The following MTA3 variants were observed in gnomAD, a reference collection of about 807,000 sequenced individuals.
MTA3 encodes the protein metastasis associated 1 family member 3.
MTA3 carries 34 observed loss-of-function variants against 83.5 expected under a neutral mutation model. That is an observed-to-expected ratio of 0.41 (90% confidence interval 0.31 to 0.54). The LOEUF (loss-of-function observed/expected upper bound fraction) is 0.54. Ranked by LOEUF, MTA3 falls within the 20% of genes least tolerant of loss-of-function variation. The pLI is 0.33. For synonymous variants in MTA3, 303 were observed against 252.7 expected (o/e 1.20, Z -1.89); for missense variants, 761 against 726.4 (o/e 1.05, Z -0.55).
chr2:42,551,160 T>C (rs574916150), intron 2 of MTA3, among the ~76,000 whole-genome samples: 4 of 152,208 alleles, frequency 2.6e-5, no homozygotes, highest in South Asian at 4.1e-4. Flanking sequence ...GGTCATTCAT[T>C]TGATCAGTGA....
intron 5 of MTA3, among the ~76,000 whole-genome samples, chr2:42,642,752 C>T (rs1194034146): frequency 2.0e-5 from 3 of 149,320 alleles, no homozygotes; most frequent in Non-Finnish European, 4.4e-5. Flanking sequence ...TCAAGTGATT[C>T]TCCTGCCTCA....
rs1553347522 is a variant in MTA3 at position 42,577,103 on chromosome 2, A to AAAAAAG, written c.97-2001_97-2000insAAGAAA. On this transcript the variant is annotated intron_variant, in intron 2 of 16. Transcript: ENST00000405094. ...ATGGTACTCCATCTAAAAAAAAAAAAAAATATATATATATATATATATATA... is the reference window on the plus strand; with the variant it reads ...ATGGTACTCCATCTAAAAAAAAAAAAAAAAAGAAATATATATATATATATATATATA... 1.4e-4 allele frequency among the ~76,000 whole-genome samples: 10 copies of AAAAAAG among 73,574 alleles called. 1 individual carries two copies. The East Asian group carries it at 1.6e-3, about 12-fold the overall frequency. The allele number at this position is 73,574 out of a possible 152,430, so 48.3% of individuals were successfully genotyped here. A position where few individuals can be genotyped will look rare whatever the true frequency, so the allele number is the denominator to read the frequency against.
chr2:42,554,698 G>T (rs930466979), intron 2 of MTA3, among the ~76,000 whole-genome samples: 1 of 152,176 alleles, frequency 6.6e-6, no homozygotes, highest in East Asian at 1.9e-4. Flanking sequence ...CTCAAATCTG[G>T]AGGGTGGTGG....
intron 9 of MTA3, among the ~76,000 whole-genome samples, chr2:42,687,101 T>C (rs1023350252): frequency 6.6e-6 from 1 of 152,190 alleles, no homozygotes; most frequent in African/African-American, 2.4e-5. Flanking sequence ...CACTCTAGCC[T>C]AGGTGTTAGA....
intron 2 of MTA3, among the ~76,000 whole-genome samples, chr2:42,526,396 C>G (rs577218143): frequency 6.6e-6 from 1 of 152,144 alleles, no homozygotes; most frequent in Non-Finnish European, 1.5e-5. Context: ...ATTCCTGGCT[C>G]TCCCTGTGTC....
chr2:42,595,218 T>G (rs1473582148), intron 3 of MTA3, among the ~76,000 whole-genome samples: 2 of 146,962 alleles, frequency 1.4e-5, no homozygotes, highest in African/African-American at 5.0e-5. Flanking sequence ...CACGCCATTC[T>G]CCTGCCTCAG....
chr2:42,727,358 G>A (rs151139142), intron 16 of MTA3, among the ~76,000 whole-genome samples: 6 of 152,222 alleles, frequency 3.9e-5, no homozygotes, highest in East Asian at 3.9e-4. Context: ...CTAGGATGTC[G>A]GTCCAGCAGT....
rs1292118994 is a variant in MTA3, at chr2:42,605,217, AC to A, written c.191-4233del. On this transcript the variant is annotated intron_variant, in intron 3 of 16. Transcript: ENST00000405094. ...GGCGGCTGGCCGGGCGGGGGGGCTG[AC>A]CCCCCCCACCTCCCTCCCGGACGGG... 5.2e-3 allele frequency among the ~76,000 whole-genome samples: 413 copies of A among 79,942 alleles called. 3 individuals are homozygous for A. Among genetic ancestry groups the A allele is most frequent in the African/African-American group, 0.018 (383 of 21,428 alleles). The allele number at this position is 79,942 out of a possible 152,430, so 52.4% of individuals were successfully genotyped here. A position where few individuals can be genotyped will look rare whatever the true frequency, so the allele number is the denominator to read the frequency against.
At chr2:42,619,477 TC>T (rs1446743391) in intron 4 of MTA3, among the ~76,000 whole-genome samples, 1 of 152,120 alleles carries the variant, frequency 6.6e-6, no homozygotes, top group Non-Finnish European at 1.5e-5. Flanking sequence ...ATCAAATGAA[TC>T]TAAAGAAAGA....
chr2:42,727,853 G>T (rs924344969), intron 16 of MTA3, among the ~76,000 whole-genome samples: 13 of 151,876 alleles, frequency 8.6e-5, no homozygotes, highest in African/African-American at 3.1e-4. Flanking sequence ...GTATTTATGG[G>T]ATACATGAGA....
intron 3 of MTA3, among the ~76,000 whole-genome samples, chr2:42,595,994 G>A (rs923855153): frequency 7.2e-5 from 11 of 152,046 alleles, no homozygotes; most frequent in Admixed American, 5.3e-4. Flanking sequence ...TAATACTTCC[G>A]AGAGAAATAC....
intron 16 of MTA3, among the ~76,000 whole-genome samples, chr2:42,738,993 A>G (rs1304688820): frequency 6.6e-6 from 1 of 152,100 alleles, no homozygotes; most frequent in Non-Finnish European, 1.5e-5. Flanking sequence ...AGCAATTTTA[A>G]TTTCGCCTGG....
At chr2:42,714,836 G>C (rs1316852609) in intron 14 of MTA3, among the ~76,000 whole-genome samples, 1 of 152,330 alleles carries the variant, frequency 6.6e-6, no homozygotes, top group African/African-American at 2.4e-5. Context: ...GTTCACAATA[G>C]GGTTAGCGCT....
chr2:42,667,734 A>G (rs1312174763), intron 8 of MTA3, among the ~76,000 whole-genome samples: 2 of 151,966 alleles, frequency 1.3e-5, no homozygotes, highest in African/African-American at 4.8e-5. Context: ...TCCTGGGCTC[A>G]AGTGATCCTC....
intron 2 of MTA3, among the ~76,000 whole-genome samples, chr2:42,500,540 CAG>C (rs1447563551): frequency 1.3e-5 from 2 of 151,896 alleles, no homozygotes; most frequent in African/African-American, 4.8e-5. Context: ...CAAAAATAAA[CAG>C]AGAAACAGAA....
intron 6 of MTA3, among the ~76,000 whole-genome samples, chr2:42,648,776 G>T (rs1363196430): frequency 1.3e-5 from 2 of 151,702 alleles, no homozygotes; most frequent in South Asian, 4.2e-4. Context: ...TTATAACATT[G>T]GAATTTTAAG....
At chr2:42,559,886 G>A (rs1302094922) in intron 2 of MTA3, among the ~76,000 whole-genome samples, 9 of 147,774 alleles carry the variant, frequency 6.1e-5, no homozygotes, top group South Asian at 2.2e-4. Context: ...CAACAAGAGC[G>A]AAACTCCATC....
chr2:42,726,292 C>T (rs1667810352), intron 16 of MTA3, among the ~76,000 whole-genome samples: 1 of 151,834 alleles, frequency 6.6e-6, no homozygotes, highest in Non-Finnish European at 1.5e-5. Flanking sequence ...AGCCTGCCCC[C>T]TTCAGTGGCT....
chr2:42,732,377 C>T (rs555029086), intron 16 of MTA3, among the ~76,000 whole-genome samples: 31 of 152,342 alleles, frequency 2.0e-4, no homozygotes, highest in South Asian at 6.2e-4. Flanking sequence ...TCTGAAGCCA[C>T]GGCCTAAGCT....
Sources: allele counts gnomAD v4.1 joint callset (sites outside exome capture counted in the v4.1 genomes callset), GRCh38; gene constraint gnomAD v4.1.1; transcripts MANE v1.5; gene names NCBI Gene and HGNC (gene_info 2026-07-23, HGNC 2026-07-21).